The following DOCK9 variants were observed in gnomAD, a reference collection of about 807,000 sequenced individuals.
DOCK9 encodes dedicator of cytokinesis protein 9.
DOCK9 carries 89 observed loss-of-function variants against 263.3 expected under a neutral mutation model. That is an observed-to-expected ratio of 0.34 (90% CI 0.28 to 0.40). The LOEUF is 0.40. Among genes scored for constraint, DOCK9 ranks in the 10% least tolerant of loss-of-function variants. DOCK9 has a pLI of 1.00. For missense variants in DOCK9, 2,140 were observed against 2,603.4 expected (o/e 0.82, Z 3.87); for synonymous variants, 976 against 973.1 (o/e 1.00, Z -0.06).
At position 98,882,378 on chromosome 13, in the gene DOCK9, G is replaced by T. The variant is rs370888331; in HGVS notation, c.2560-371C>A. Among the ~76,000 whole-genome samples the T allele has an allele frequency of 1.5e-3, 228 of 152,278 alleles. 7 individuals are homozygous for T. The South Asian group carries it at 0.045, about 30-fold the overall frequency. On this transcript the variant is annotated intron_variant, in intron 23 of 52. Coordinates refer to ENST00000682017, the MANE Select transcript of DOCK9 (RefSeq NM_001366683.2). Reference sequence around the variant, plus strand: ...TGTCTTTGAGATGGAGGGAGGGGCCGCAAGCAATCACATATAAAAACTTCA... The same window carrying T: ...TGTCTTTGAGATGGAGGGAGGGGCCTCAAGCAATCACATATAAAAACTTCA...
chr13:98,890,435 C>T (rs1466423716), intron 15 of DOCK9, among the ~76,000 whole-genome samples: 2 of 152,314 alleles, frequency 1.3e-5, no homozygotes, highest in East Asian at 3.9e-4. Flanking sequence ...GAAGCCTTTG[C>T]ACTCCTCTAC....
rs2089097902 is a variant in DOCK9, at chr13:98,794,600, C to A, written c.*26G>T. 2 of 1,560,724 alleles carry A rather than the reference C, an allele frequency of 1.3e-6. No homozygotes were observed. Among genetic ancestry groups the A allele is most frequent in the Non-Finnish European group, 1.7e-6 (2 of 1,152,184 alleles). ...TGAGTTTGCAAATGACAAAGCAAGT[C>A]CCCACACACGGGCCATGAGATGTAA... On this transcript the variant is annotated 3_prime_UTR_variant, in exon 53 of 53. Coordinates refer to ENST00000682017, the MANE Select transcript of DOCK9 (RefSeq NM_001366683.2).
upstream of DOCK9, among the ~76,000 whole-genome samples, chr13:98,980,493 T>C (rs1595812811): frequency 2.6e-5 from 4 of 152,338 alleles, no homozygotes; most frequent in Admixed American, 2.6e-4. Flanking sequence ...AAAGGCACAA[T>C]ACCAATCACC....
intron 38 of DOCK9, among the ~76,000 whole-genome samples, chr13:98,844,258 C>G (rs2093320395): frequency 6.6e-6 from 1 of 152,230 alleles, no homozygotes; most frequent in Admixed American, 6.5e-5. Context: ...AAGTGTAGAA[C>G]TCAGAAGTAG....
chr13:98,910,794 T>C (rs1409886565), intron 9 of DOCK9, among the ~76,000 whole-genome samples: 1 of 152,146 alleles, frequency 6.6e-6, no homozygotes, highest in Non-Finnish European at 1.5e-5. Flanking sequence ...TTCTTGCACC[T>C]TCCTTCCCTG....
chr13:98,912,978 A>C (rs1377507411), intron 9 of DOCK9, among the ~76,000 whole-genome samples: 1 of 152,228 alleles, frequency 6.6e-6, no homozygotes, highest in Non-Finnish European at 1.5e-5. Context: ...AGACATTCAT[A>C]ACACAAACAC....
At chr13:98,955,370 T>C in intron 2 of DOCK9, 65 bp downstream of exon 2, 1 of 1,077,266 alleles carries the variant, frequency 9.3e-7, no homozygotes. Flanking sequence ...AATCAATACA[T>C]AGAAAAATAC....
At chr13:99,083,087 T>C (rs2042192353) in intron 1 of DOCK9, among the ~76,000 whole-genome samples, 1 of 152,056 alleles carries the variant, frequency 6.6e-6, no homozygotes, top group South Asian at 2.1e-4. Context: ...AAACCTCATC[T>C]CTACTAAAAA....
At chr13:98,797,303 G>C (rs1181925477) in intron 51 of DOCK9, 50 bp from the exon 52 acceptor site, 1 of 1,612,008 alleles carries the variant, frequency 6.2e-7, no homozygotes, top group Admixed American at 1.7e-5. Flanking sequence ...GATAAGGCAT[G>C]AGTCCAACCA....
At chr13:99,076,945 C>T (rs941027665) in intron 1 of DOCK9, among the ~76,000 whole-genome samples, 1 of 152,090 alleles carries the variant, frequency 6.6e-6, no homozygotes, top group African/African-American at 2.4e-5. Context: ...CCAGGACATG[C>T]GAGTACAGTT....
rs1379081875 is a variant in DOCK9, at chr13:98,867,476, G to T, written c.3235C>A (p.Pro1079Thr). Residue 1079 changes from proline to threonine, a missense_variant, in exon 30 of 53, where the codon CCG becomes ACG. This residue lies in a region of DOCK9 where 1,521 missense variants were observed against 1,741.7 expected (regional missense o/e 0.87). Coordinates refer to ENST00000682017, the MANE Select transcript of DOCK9 (RefSeq NM_001366683.2). The part of the protein sequence containing the change: ...RVVCNHEHYI[P>T]LNLPMPFGKG... ...CCAAATGGCATTGGTAAGTTCAACG[G>T]AATATAATGTTCATGGTTGCACACT... 6.2e-7 allele frequency: 1 copy of T among 1,612,734 alleles called. No homozygotes were observed. Among genetic ancestry groups the T allele is most frequent in the Non-Finnish European group, 8.5e-7 (1 of 1,179,434 alleles).
rs1009586743 is a variant in DOCK9 at position 98,951,768 on chromosome 13, G to C, written c.243+3667C>G. Among the ~76,000 whole-genome samples, 11 of 152,346 alleles carry C rather than the reference G, an allele frequency of 7.2e-5. 1 individual carries two copies. The East Asian group carries it at 2.1e-3, about 29-fold the overall frequency. On this transcript the variant is annotated intron_variant, in intron 2 of 52. Coordinates refer to ENST00000682017, the MANE Select transcript of DOCK9 (RefSeq NM_001366683.2). ...AGGAGAACCATGAAGCCAAAGCACA[G>C]ATGGCAGAGATCCCCAAGCGACAGG...
At position 99,082,363 on chromosome 13, in the gene DOCK9, C is replaced by CA. The variant is rs574342369; in HGVS notation, c.129+3859dup. ...CAAAACCCCGTCTCTACTAAAAATA[C>CA]AAAAAATTAGCCGGGTGTGGTGGTG... is the stretch of plus-strand genomic sequence containing the variant. On this transcript the variant is annotated intron_variant, in intron 1 of 32. Transcript: ENST00000427887. Among the ~76,000 whole-genome samples, 103 of 151,778 alleles carry CA rather than the reference C, an allele frequency of 6.8e-4. 1 individual carries two copies. The South Asian group carries it at 7.1e-3, about 10-fold the overall frequency.
chr13:98,964,129 G>A lies in DOCK9; in HGVS notation c.127-8578C>T, dbSNP rs889130797. On this transcript the variant is annotated intron_variant, in intron 1 of 52. Transcript: ENST00000682017. The stretch of plus-strand genomic sequence containing the variant: ...TAAAAAGAACACGGCCCTGCCCCAG[G>A]GAGCTGGCAGTCAGAGGGAAGGCAC... Among the ~76,000 whole-genome samples, 6 of 152,190 alleles carry A rather than the reference G, an allele frequency of 3.9e-5. No homozygotes were observed. The East Asian group carries it at 7.7e-4, about 20-fold the overall frequency.
At chr13:99,086,147 G>A (rs900733529) in intron 1 of DOCK9, 283 of 1,395,010 alleles carry the variant, frequency 2.0e-4, no homozygotes, top group Non-Finnish European at 2.1e-4. Flanking sequence ...TGCCGACTAA[G>A]AGGCGCCCGG....
chr13:98,827,524 C>T (rs577349185), intron 43 of DOCK9, among the ~76,000 whole-genome samples: 1 of 152,232 alleles, frequency 6.6e-6, no homozygotes, highest in African/African-American at 2.4e-5. Flanking sequence ...TGCCTGTCAG[C>T]GGGGTGAGCG....
chr13:98,851,193 T>C (rs563010991), intron 35 of DOCK9, among the ~76,000 whole-genome samples: 1 of 152,326 alleles, frequency 6.6e-6, no homozygotes, highest in East Asian at 1.9e-4. Context: ...ACAGATGAGC[T>C]AACAGAGGCT....
chr13:98,915,646 GCCC>G (rs143301762), intron 7 of DOCK9, 143 bp from the exon 8 acceptor site: 2 of 615,292 alleles, frequency 3.3e-6, no homozygotes, highest in Non-Finnish European at 5.1e-6. Flanking sequence ...CCTCATGAAA[GCCC>G]CCCCCCATGA....
intron 1 of DOCK9, among the ~76,000 whole-genome samples, chr13:98,968,436 C>A (rs2059410535): frequency 6.6e-6 from 1 of 152,080 alleles, no homozygotes; most frequent in Non-Finnish European, 1.5e-5. Flanking sequence ...GACTGGCCAA[C>A]ATGGTTCACC....
Sources: allele counts gnomAD v4.1 joint callset (sites outside exome capture counted in the v4.1 genomes callset), GRCh38; gene constraint gnomAD v4.1.1; regional missense constraint gnomAD v4.1.1; transcripts MANE v1.5; gene names NCBI Gene and HGNC (gene_info 2026-07-23, HGNC 2026-07-21).